Variants in HPD observed in about 807,000 individuals in gnomAD.
The protein encoded by HPD is 4-hydroxyphenylpyruvic acid oxidase.
HPD carries 35 observed loss-of-function variants against 56.9 expected under a neutral mutation model. The observed-to-expected ratio is 0.62, with a 90% CI of 0.47 to 0.82. The LOEUF (loss-of-function observed/expected upper bound fraction) is 0.82. HPD is among the 40% of genes least tolerant of loss of function. The probability of loss-of-function intolerance (pLI) is 0.00; values close to 1 mark genes in which losing one functional copy is unlikely to be tolerated. For synonymous variants in HPD, 186 were observed against 200.2 expected (o/e 0.93, Z 0.60); for missense variants, 442 against 506.8 (o/e 0.87, Z 1.23).
intron 12 of HPD, 34 bp downstream of exon 12, chr12:121,843,676 C>T (rs1443603490): frequency 6.2e-7 from 1 of 1,613,320 alleles, no homozygotes; most frequent in Non-Finnish European, 8.5e-7. Context: ...CTCATACTCC[C>T]CCCACAAGGC....
chr12:121,868,913 C>T, the HPD span, among the ~76,000 whole-genome samples: 1 of 151,968 alleles, frequency 6.6e-6, no homozygotes, highest in Non-Finnish European at 1.5e-5. Context: ...GGCAGACTCT[C>T]GCCCTATCAT....
intron 7 of HPD, among the ~76,000 whole-genome samples, chr12:121,853,879 G>C (rs747973089): frequency 3.4e-4 from 51 of 151,954 alleles, no homozygotes; most frequent in Non-Finnish European, 5.6e-4. Flanking sequence ...AGAGGTTGCA[G>C]TGAGCTGAGA....
intron 4 of HPD, 153 bp from the exon 5 acceptor site, chr12:121,856,778 A>G (rs902128752): frequency 9.6e-6 from 7 of 731,028 alleles, no homozygotes; most frequent in African/African-American, 8.7e-5. Context: ...TTAGTTTCCC[A>G]CACTGGTCCT....
chr12:121,862,650 C>G (rs1259168534), upstream of HPD, among the ~76,000 whole-genome samples: 2 of 125,834 alleles, frequency 1.6e-5, no homozygotes, highest in African/African-American at 6.2e-5. Context: ...CTCTGTGGCC[C>G]AGGCTGGAGT....
At chr12:121,858,252 C>T (rs1440748232) in intron 2 of HPD, among the ~76,000 whole-genome samples, 7 of 152,038 alleles carry the variant, frequency 4.6e-5, no homozygotes, top group African/African-American at 1.7e-4. Flanking sequence ...CTGCAACTTC[C>T]GCCTCCCAGG....
chr12:121,840,462 G>A (rs1877371074), intron 12 of HPD, among the ~76,000 whole-genome samples: 1 of 151,990 alleles, frequency 6.6e-6, no homozygotes, highest in Non-Finnish European at 1.5e-5. Flanking sequence ...TACCATGCCC[G>A]GCTAATTTTT....
At chr12:121,853,987 C>T (rs555978718) in intron 7 of HPD, among the ~76,000 whole-genome samples, 6 of 151,888 alleles carry the variant, frequency 4.0e-5, no homozygotes, top group East Asian at 1.9e-4. Flanking sequence ...CAGTGGCCCA[C>T]GCCTGTAATC....
At chr12:121,849,605 C>A in intron 8 of HPD, 82 bp downstream of exon 8, 2 of 930,822 alleles carry the variant, frequency 2.1e-6, no homozygotes, top group South Asian at 2.6e-5. Context: ...AACACACATG[C>A]GCAGTGGACA....
At chr12:121,847,336 C>T in intron 9 of HPD, 122 bp from the exon 10 acceptor site, 2 of 823,410 alleles carry the variant, frequency 2.4e-6, no homozygotes, top group Non-Finnish European at 2.1e-6. Context: ...CCACTGCCAT[C>T]ATACCCATCA....
At chr12:121,884,922 T>C in the HPD span, among the ~76,000 whole-genome samples, 1 of 152,200 alleles carries the variant, frequency 6.6e-6, no homozygotes, top group Non-Finnish European at 1.5e-5. Flanking sequence ...GGAGTCTCAC[T>C]ATATGGTCCA....
chr12:121,873,567 C>T, the HPD span, among the ~76,000 whole-genome samples: 1 of 152,154 alleles, frequency 6.6e-6, no homozygotes, highest in Non-Finnish European at 1.5e-5. Flanking sequence ...GCCTGTAATC[C>T]CAGCACTTTG....
the HPD span, among the ~76,000 whole-genome samples, chr12:121,870,506 C>CA: frequency 0.024 from 2,042 of 83,704 alleles, 27 homozygotes; most frequent in Middle Eastern, 0.13. Flanking sequence ...GACTCTGTCT[C>CA]AAAAAAAAAA....
At chr12:121,865,500 C>T (rs1205956141), upstream of HPD, among the ~76,000 whole-genome samples, 1 of 150,002 alleles carries the variant, frequency 6.7e-6, no homozygotes, top group African/African-American at 2.4e-5. Flanking sequence ...ACACCCTGAC[C>T]TCACGTGATC....
intron 11 of HPD, 48 bp from the exon 12 acceptor site, chr12:121,843,880 T>A: frequency 6.2e-7 from 1 of 1,613,220 alleles, no homozygotes; most frequent in South Asian, 1.1e-5. Context: ...CAAGTTCAAC[T>A]CCCCTAGCCA....
intron 2 of HPD, 67 bp from the exon 3 acceptor site, chr12:121,857,886 G>T: frequency 8.1e-7 from 1 of 1,229,962 alleles, no homozygotes; most frequent in Non-Finnish European, 1.2e-6. Flanking sequence ...CGGGTGGAGT[G>T]ATGTCCCCTA....
upstream of HPD, among the ~76,000 whole-genome samples, chr12:121,866,892 A>T (rs1878342058): frequency 6.6e-6 from 1 of 152,144 alleles, no homozygotes; most frequent in South Asian, 2.1e-4. Flanking sequence ...TGTAATCACC[A>T]CAAATCCACC....
intron 12 of HPD, among the ~76,000 whole-genome samples, chr12:121,841,427 T>A (rs2515729): frequency 0.68 from 102,608 of 152,010 alleles, 35,530 homozygotes; most frequent in Non-Finnish European, 0.77. Flanking sequence ...CTAGATATAT[T>A]CCAAAGTGCA....
chr12:121,886,143 C>G, the HPD span, among the ~76,000 whole-genome samples: 1 of 142,786 alleles, frequency 7.0e-6, no homozygotes, highest in Admixed American at 7.1e-5. Context: ...GGGTCTCACT[C>G]TCTCGCCCGG....
chr12:121,883,933 C>A, the HPD span, among the ~76,000 whole-genome samples: 1 of 152,024 alleles, frequency 6.6e-6, no homozygotes, highest in Non-Finnish European at 1.5e-5. Context: ...GAAACCATGA[C>A]GCTACACATC....
Sources: allele counts gnomAD v4.1 joint callset (sites outside exome capture counted in the v4.1 genomes callset), GRCh38; gene constraint gnomAD v4.1.1; transcripts MANE v1.5; gene names NCBI Gene and HGNC (gene_info 2026-07-23, HGNC 2026-07-21).